The following L3MBTL4 variants were observed in gnomAD, a reference collection of about 807,000 sequenced individuals.
The protein encoded by L3MBTL4 is lethal(3)malignant brain tumor-like protein 4.
Under a neutral mutation model 84.5 loss-of-function variants are expected in L3MBTL4, and 70 were observed. The observed-to-expected ratio is 0.83, with a 90% confidence interval of 0.68 to 1.01. The LOEUF (loss-of-function observed/expected upper bound fraction) is 1.01, where lower values mean the gene tolerates loss of function less well. L3MBTL4 is among the 50% of genes least tolerant of loss of function. The pLI, the probability that L3MBTL4 is intolerant of heterozygous loss-of-function variation, is 0.00. For missense variants in L3MBTL4, 715 were observed against 754.8 expected (o/e 0.95, Z 0.62); for synonymous variants, 274 against 259.8 (o/e 1.05, Z -0.52).
intron 13 of L3MBTL4, among the ~76,000 whole-genome samples, chr18:6,166,774 G>A (rs1307200771): frequency 4.6e-5 from 7 of 152,078 alleles, no homozygotes; most frequent in South Asian, 2.1e-4. Flanking sequence ...AAGAACTAGA[G>A]AAGCAAGAGC....
At chr18:6,129,279 G>T (rs191863667) in intron 14 of L3MBTL4, among the ~76,000 whole-genome samples, 1 of 151,942 alleles carries the variant, frequency 6.6e-6, no homozygotes, top group Non-Finnish European at 1.5e-5. Flanking sequence ...TCAGCTATAC[G>T]TGTACCTATT....
intron 18 of L3MBTL4, among the ~76,000 whole-genome samples, chr18:5,958,056 GAGAAGGAGAAGAAGAAGAAGAAGAAGA>G (rs2095238764): frequency 7.7e-6 from 1 of 130,380 alleles, no homozygotes; most frequent in African/African-American, 3.0e-5. Flanking sequence ...GAAGGAGAAG[GAGAAGGAGAAGAAGAAGAAGAAGAAGA>G]AGAAGAAGAA....
intron 12 of L3MBTL4, among the ~76,000 whole-genome samples, chr18:6,181,297 G>T (rs2145352107): frequency 6.6e-6 from 1 of 151,958 alleles, no homozygotes; most frequent in East Asian, 1.9e-4. Flanking sequence ...CAGGTAATAG[G>T]CATAGTACCT....
At chr18:6,014,076 C>T (rs183155388) in intron 16 of L3MBTL4, among the ~76,000 whole-genome samples, 1 of 152,314 alleles carries the variant, frequency 6.6e-6, no homozygotes, top group Admixed American at 6.5e-5. Flanking sequence ...GACTTCATTA[C>T]TCTGGGCCTC....
Position 5,955,530 on chromosome 18 carries a change from G to A in L3MBTL4, c.*690C>T, listed in dbSNP as rs2095222167. ...CTCAGAAGGGTCTCTCCAGCTTTTG[G>A]AAGTGCCCACCTGACCGTCCTCTCA... is the stretch of plus-strand genomic sequence containing the variant. On this transcript the variant is annotated 3_prime_UTR_variant, in exon 19 of 19. Transcript: ENST00000317931. The A allele has an allele frequency of 6.6e-6, 1 of 152,242 alleles. No individual in the cohort carries two copies. The highest frequency in any genetic ancestry group is 1.5e-5 in the Non-Finnish European group (1 of 68,068). The allele number at this position is 152,242 out of a possible 1,614,324, so 9.4% of individuals were successfully genotyped here.
At chr18:6,023,946 C>A (rs1045910369) in intron 16 of L3MBTL4, among the ~76,000 whole-genome samples, 7 of 152,246 alleles carry the variant, frequency 4.6e-5, no homozygotes, top group African/African-American at 1.4e-4. Flanking sequence ...ACAAGTCTGT[C>A]AGTCTCCTTT....
At chr18:6,013,841 G>A (rs985140270) in intron 16 of L3MBTL4, among the ~76,000 whole-genome samples, 3 of 152,296 alleles carry the variant, frequency 2.0e-5, no homozygotes, top group Admixed American at 6.5e-5. Flanking sequence ...TGATAAAAGG[G>A]ATTGATCTGA....
chr18:6,032,224 G>A (rs2055845857), intron 16 of L3MBTL4: 1 of 559,696 alleles, frequency 1.8e-6, no homozygotes, highest in South Asian at 6.9e-5. Context: ...TGATCTGCCT[G>A]CCTCGGCCTC....
At chr18:6,329,151 CTTTTTTTTTTT>C (rs992694853) in intron 1 of L3MBTL4, among the ~76,000 whole-genome samples, 28 of 126,554 alleles carry the variant, frequency 2.2e-4, no homozygotes, top group South Asian at 5.1e-4. Flanking sequence ...TTTTTCTTTT[CTTTTTTTTTTT>C]TTTTTTTTTG....
At chr18:6,028,152 G>A (rs902331402) in intron 16 of L3MBTL4, among the ~76,000 whole-genome samples, 1 of 152,144 alleles carries the variant, frequency 6.6e-6, no homozygotes, top group African/African-American at 2.4e-5. Flanking sequence ...TTTTCTTCTA[G>A]GGTTTTTATG....
intron 5 of L3MBTL4, 87 bp from the exon 6 acceptor site, chr18:6,244,675 C>A (rs1159907183): frequency 2.2e-6 from 2 of 898,966 alleles, no homozygotes; most frequent in Non-Finnish European, 3.6e-6. Flanking sequence ...TAGGTGAAGT[C>A]TAAAACAATT....
intron 16 of L3MBTL4, among the ~76,000 whole-genome samples, chr18:5,998,323 C>T (rs1035880650): frequency 1.3e-5 from 2 of 152,202 alleles, no homozygotes; most frequent in African/African-American, 2.4e-5. Flanking sequence ...AAGCCCCCTC[C>T]CCTGCGCTGC....
chr18:6,408,994 G>A (rs2055854129), intron 1 of L3MBTL4, among the ~76,000 whole-genome samples: 1 of 152,090 alleles, frequency 6.6e-6, no homozygotes, highest in Non-Finnish European at 1.5e-5. Context: ...GTCTTCAAAG[G>A]TAAGGAAAAT....
chr18:5,960,237 A>T, intron 17 of L3MBTL4, 81 bp from the exon 18 acceptor site: 1 of 709,080 alleles, frequency 1.4e-6, no homozygotes, highest in Non-Finnish European at 2.4e-6. Context: ...CATTTAAGTA[A>T]AATATACTTA....
intron 1 of L3MBTL4, among the ~76,000 whole-genome samples, chr18:6,343,010 A>G (rs2052685514): frequency 6.6e-6 from 1 of 152,240 alleles, no homozygotes. Flanking sequence ...TTACATATTG[A>G]TAAAGGGGTC....
intron 16 of L3MBTL4, among the ~76,000 whole-genome samples, chr18:6,011,812 G>T (rs1336772248): frequency 6.6e-6 from 1 of 152,138 alleles, no homozygotes; most frequent in Non-Finnish European, 1.5e-5. Context: ...TATGTTCCTG[G>T]TTTCTTGTAA....
At chr18:6,281,269 T>G (rs1405191339) in intron 4 of L3MBTL4, among the ~76,000 whole-genome samples, 1 of 152,204 alleles carries the variant, frequency 6.6e-6, no homozygotes, top group East Asian at 1.9e-4. Flanking sequence ...GTTCACTGTA[T>G]GAAATACAAA....
intron 17 of L3MBTL4, among the ~76,000 whole-genome samples, chr18:5,964,373 G>A (rs150254136): frequency 1.2e-3 from 178 of 152,314 alleles, no homozygotes; most frequent in African/African-American, 4.2e-3. Flanking sequence ...GGCTGCCGCT[G>A]CTTTAAATCT....
chr18:6,320,958 G>T (rs1206504332), intron 1 of L3MBTL4, among the ~76,000 whole-genome samples: 5 of 151,328 alleles, frequency 3.3e-5, no homozygotes, highest in Admixed American at 3.3e-4. Flanking sequence ...AACCAACAAA[G>T]GATACAAAAA....
Sources: allele counts gnomAD v4.1 joint callset (sites outside exome capture counted in the v4.1 genomes callset), GRCh38; gene constraint gnomAD v4.1.1; transcripts MANE v1.5; gene names NCBI Gene and HGNC (gene_info 2026-07-23, HGNC 2026-07-21).